The following DAB1 variants were observed in gnomAD, a reference collection of about 807,000 sequenced individuals.
The protein encoded by DAB1 is disabled homolog 1.
A neutral mutation model predicts 64.6 loss-of-function variants in DAB1; 15 were observed. The observed-to-expected ratio is 0.23, with a 90% confidence interval of 0.16 to 0.36. The LOEUF (loss-of-function observed/expected upper bound fraction) is 0.36. Among genes scored for constraint, DAB1 ranks in the 10% least tolerant of loss-of-function variants. DAB1 has a pLI of 1.00. For synonymous variants in DAB1, 235 were observed against 251.9 expected (o/e 0.93, Z 0.64); for missense variants, 596 against 706.7 (o/e 0.84, Z 1.78).
At chr1:57,047,641 A>G (rs1648684024) in intron 9 of DAB1, among the ~76,000 whole-genome samples, 1 of 152,196 alleles carries the variant, frequency 6.6e-6, no homozygotes, top group South Asian at 2.1e-4. Context: ...CACAGGCTCC[A>G]TAACTCGGGA....
rs146671345 is a variant in DAB1 at position 58,137,313 on chromosome 1, C to T, written n.387+13198G>A. Among the ~76,000 whole-genome samples, 228 of 152,300 alleles carry T rather than the reference C, an allele frequency of 1.5e-3. 2 individuals carry two copies. The highest frequency in any genetic ancestry group is 5.3e-3 in the African/African-American group (219 of 41,582). On this transcript the variant is annotated intron_variant and non_coding_transcript_variant, in intron 5 of 20. Coordinates refer to the DAB1 transcript ENST00000485760. ...CTTAGGGCACACAGTAAAGTAACCA[C>T]AAAAGTTTGGCCTGGAACCTGTGTC...
intron 5 of DAB1, among the ~76,000 whole-genome samples, chr1:58,081,803 C>A (rs1650013672): frequency 6.6e-6 from 1 of 152,078 alleles, no homozygotes; most frequent in African/African-American, 2.4e-5. Flanking sequence ...TGAATAATTC[C>A]CCATCTCTTT....
At position 58,163,795 on chromosome 1, in the gene DAB1, A is replaced by C. The variant is rs187511328; in HGVS notation, n.310-13207T>G. Among the ~76,000 whole-genome samples the C allele has an allele frequency of 3.1e-3, 478 of 152,318 alleles. 2 individuals are homozygous for C. The highest frequency in any genetic ancestry group is 5.2e-3 in the Non-Finnish European group (355 of 68,024). On this transcript the variant is annotated intron_variant and non_coding_transcript_variant, in intron 4 of 20. Transcript: ENST00000485760. ...AACTCCACTGGTCTGACAGAGACGTATTCCTGCCTGAGGCTGCTCATCTGG... is the reference window on the plus strand; with the variant it reads ...AACTCCACTGGTCTGACAGAGACGTCTTCCTGCCTGAGGCTGCTCATCTGG...
At chr1:57,076,663 T>A (rs887283312) in intron 4 of DAB1, among the ~76,000 whole-genome samples, 1 of 152,214 alleles carries the variant, frequency 6.6e-6, no homozygotes, top group African/African-American at 2.4e-5. Context: ...TCTCTGCAGA[T>A]GCCCTGGCCT....
chr1:57,550,012 TC>T (rs751054499), intron 7 of DAB1, among the ~76,000 whole-genome samples: 2 of 152,118 alleles, frequency 1.3e-5, no homozygotes, highest in Non-Finnish European at 2.9e-5. Context: ...ATGAGTTGTG[TC>T]CTCAATGAAC....
intron 1 of DAB1, among the ~76,000 whole-genome samples, chr1:57,869,109 A>G (rs1407877623): frequency 2.0e-5 from 3 of 152,168 alleles, no homozygotes; most frequent in African/African-American, 4.8e-5. Context: ...ATAAGAGATC[A>G]GACTCTGAAT....
chr1:57,939,686 C>A (rs1333443063), intron 5 of DAB1, among the ~76,000 whole-genome samples: 1 of 152,210 alleles, frequency 6.6e-6, no homozygotes, highest in East Asian at 1.9e-4. Context: ...AGGCTGCAAG[C>A]TTCTTGAGGA....
chr1:57,137,995 ATT>A (rs1276095176), intron 3 of DAB1, among the ~76,000 whole-genome samples: 1 of 152,066 alleles, frequency 6.6e-6, no homozygotes, highest in Non-Finnish European at 1.5e-5. Flanking sequence ...AAAATCCATC[ATT>A]TTTTTGCATG....
chr1:57,655,379 C>T (rs1359223194), intron 6 of DAB1, among the ~76,000 whole-genome samples: 1 of 152,152 alleles, frequency 6.6e-6, no homozygotes, highest in African/African-American at 2.4e-5. Context: ...CATCATCCAT[C>T]CATCCATTCA....
intron 2 of DAB1, among the ~76,000 whole-genome samples, chr1:57,285,414 G>A (rs1460186670): frequency 2.6e-5 from 4 of 152,052 alleles, no homozygotes; most frequent in Admixed American, 6.6e-5. Flanking sequence ...GATTACAGGC[G>A]AGTGCCACCA....
At chr1:57,763,541 T>C (rs755977578) in intron 6 of DAB1, among the ~76,000 whole-genome samples, 2 of 151,942 alleles carry the variant, frequency 1.3e-5, no homozygotes, top group Non-Finnish European at 2.9e-5. Context: ...TAGCTGGGTG[T>C]GGTGGTGTAT....
At chr1:57,430,399 G>A (rs1685456871) in intron 7 of DAB1, among the ~76,000 whole-genome samples, 2 of 145,798 alleles carry the variant, frequency 1.4e-5, no homozygotes, top group Admixed American at 1.4e-4. Flanking sequence ...TTTTTGAGAC[G>A]GAGTCTTGCT....
chr1:58,424,954 A>G (rs552281881), intron 3 of DAB1, among the ~76,000 whole-genome samples: 6 of 152,242 alleles, frequency 3.9e-5, no homozygotes, highest in South Asian at 4.2e-4. Flanking sequence ...TGTGGAGGCA[A>G]TCCTATGTTT....
chr1:58,261,673 A>G (rs1043771268), intron 4 of DAB1, among the ~76,000 whole-genome samples: 1 of 152,116 alleles, frequency 6.6e-6, no homozygotes, highest in Non-Finnish European at 1.5e-5. Flanking sequence ...TAACTCTAAT[A>G]ATAACCCAAA....
intron 5 of DAB1, among the ~76,000 whole-genome samples, chr1:58,114,882 C>A (rs986978324): frequency 2.0e-5 from 3 of 152,138 alleles, no homozygotes; most frequent in Admixed American, 1.3e-4. Context: ...TATGTCTGTG[C>A]CCCGCCCATC....
intron 5 of DAB1, among the ~76,000 whole-genome samples, chr1:58,061,567 C>T (rs1648506280): frequency 6.6e-6 from 1 of 152,140 alleles, no homozygotes; most frequent in Non-Finnish European, 1.5e-5. Flanking sequence ...TTAGAACCAC[C>T]CCCCAACAAT....
intron 4 of DAB1, among the ~76,000 whole-genome samples, chr1:58,268,558 T>C (rs1406665107): frequency 6.6e-6 from 1 of 152,086 alleles, no homozygotes; most frequent in East Asian, 1.9e-4. Flanking sequence ...TAGGGGTGAA[T>C]GAGATCTGAA....
At chr1:57,911,192 AG>A (rs1557551031) in intron 5 of DAB1, among the ~76,000 whole-genome samples, 2 of 152,214 alleles carry the variant, frequency 1.3e-5, no homozygotes, top group East Asian at 3.9e-4. Flanking sequence ...TAATGCCCCC[AG>A]GTGCAGTGCA....
intron 1 of DAB1, among the ~76,000 whole-genome samples, chr1:57,856,888 G>A (rs1653780548): frequency 2.0e-5 from 3 of 152,184 alleles, no homozygotes; most frequent in Non-Finnish European, 4.4e-5. Flanking sequence ...TACACTCAGG[G>A]TCGGAAATTA....
Sources: gnomAD v4.1 joint callset for allele counts (sites outside exome capture counted in the v4.1 genomes callset) on GRCh38, gnomAD v4.1.1 for gene constraint, MANE v1.5 for transcripts, NCBI Gene and HGNC (gene_info 2026-07-23, HGNC 2026-07-21) for gene names.